The following DRC11 variants were observed in gnomAD, a reference collection of about 807,000 sequenced individuals.
The protein encoded by DRC11 is dynein regulatory complex subunit 11.
the DRC11 span, among the ~76,000 whole-genome samples, chr2:236,350,187 G>A: frequency 1.1e-4 from 17 of 152,308 alleles, no homozygotes; most frequent in African/African-American, 4.1e-4. The surrounding 1 kb of genome is among the most constrained non-coding windows in gnomAD (Gnocchi z 5.2). Flanking sequence ...CAGTTGTTTT[G>A]AAAACGGCGG....
chr2:236,486,768 C>T, the DRC11 span: 45 of 1,084,954 alleles, frequency 4.1e-5, no homozygotes, highest in African/African-American at 5.5e-4. The surrounding 1 kb of genome is among the most constrained non-coding windows in gnomAD (Gnocchi z 5.7). Context: ...GAAGAAGACA[C>T]AGTCTCACAT....
At chr2:236,464,714 C>G in the DRC11 span, among the ~76,000 whole-genome samples, 1 of 152,112 alleles carries the variant, frequency 6.6e-6, no homozygotes, top group East Asian at 1.9e-4. Flanking sequence ...GAGGTGGAGC[C>G]TGGTGGGAGG....
the DRC11 span, among the ~76,000 whole-genome samples, chr2:236,414,279 T>C: frequency 1.3e-5 from 2 of 152,172 alleles, no homozygotes; most frequent in African/African-American, 4.8e-5. Flanking sequence ...GCTTCTGGTG[T>C]CCAGTCTAAG....
At chr2:236,459,595 G>GTACGTA in the DRC11 span, among the ~76,000 whole-genome samples, 26 of 108,804 alleles carry the variant, frequency 2.4e-4, 1 homozygote, top group Non-Finnish European at 4.7e-4. Context: ...ATACGTATAC[G>GTACGTA]TATACATATA....
the DRC11 span, among the ~76,000 whole-genome samples, chr2:236,315,492 C>T: frequency 6.6e-6 from 1 of 152,162 alleles, no homozygotes; most frequent in South Asian, 2.1e-4. The surrounding 1 kb of genome is among the most constrained non-coding windows in gnomAD (Gnocchi z 5.1). Context: ...ACCCAGCAAT[C>T]CCGTTACTAG....
the DRC11 span, among the ~76,000 whole-genome samples, chr2:236,457,913 T>C: frequency 1.3e-5 from 2 of 152,236 alleles, no homozygotes; most frequent in Non-Finnish European, 2.9e-5. The surrounding 1 kb of genome is among the most constrained non-coding windows in gnomAD (Gnocchi z 4.7). Context: ...ACCAAGTTGG[T>C]GTCATTTGTT....
chr2:236,467,036 T>C, the DRC11 span, among the ~76,000 whole-genome samples: 1 of 152,340 alleles, frequency 6.6e-6, no homozygotes, highest in East Asian at 1.9e-4. Context: ...AGTTTCCAGT[T>C]CCTTTTTTGC....
chr2:236,370,618 C>T, the DRC11 span, among the ~76,000 whole-genome samples: 1 of 152,000 alleles, frequency 6.6e-6, no homozygotes, highest in Non-Finnish European at 1.5e-5. The surrounding 1 kb of genome is among the most constrained non-coding windows in gnomAD (Gnocchi z 5.5). Context: ...TGGGGACTGG[C>T]AAGAAGGACT....
chr2:236,355,545 G>C, the DRC11 span, among the ~76,000 whole-genome samples: 2 of 152,140 alleles, frequency 1.3e-5, no homozygotes, highest in African/African-American at 4.8e-5. Context: ...CCATACCCGA[G>C]GCTGCACTGG....
chr2:236,368,307 G>A, the DRC11 span: 4 of 1,541,928 alleles, frequency 2.6e-6, no homozygotes, highest in Admixed American at 5.4e-5. Flanking sequence ...CTCACCTGGA[G>A]AGAAAAGAAA....
At chr2:236,425,011 G>GAATA in the DRC11 span, among the ~76,000 whole-genome samples, 1 of 151,964 alleles carries the variant, frequency 6.6e-6, no homozygotes, top group Non-Finnish European at 1.5e-5. Context: ...TTTTAAAGCT[G>GAATA]AATAGTGTTC....
the DRC11 span, among the ~76,000 whole-genome samples, chr2:236,445,844 T>A: frequency 6.6e-6 from 1 of 152,090 alleles, no homozygotes; most frequent in Non-Finnish European, 1.5e-5. The surrounding 1 kb of genome is among the most constrained non-coding windows in gnomAD (Gnocchi z 4.8). Context: ...CACCCACACA[T>A]GCTTGTGCAA....
chr2:236,357,722 T>G, the DRC11 span, among the ~76,000 whole-genome samples: 1 of 126,396 alleles, frequency 7.9e-6, no homozygotes, highest in Admixed American at 8.5e-5. Context: ...GTATTTATAA[T>G]ATATAAATAT....
the DRC11 span, among the ~76,000 whole-genome samples, chr2:236,493,171 C>T: frequency 2.0e-5 from 3 of 152,142 alleles, no homozygotes; most frequent in Admixed American, 2.0e-4. Flanking sequence ...GGAAACTCCC[C>T]TTTATAAAAC....
At chr2:236,344,158 T>G in the DRC11 span, among the ~76,000 whole-genome samples, 1 of 152,156 alleles carries the variant, frequency 6.6e-6, no homozygotes, top group Non-Finnish European at 1.5e-5. Context: ...GTGGTGCACT[T>G]AGCAGTTCTG....
the DRC11 span, chr2:236,368,056 C>T: frequency 1.5e-6 from 1 of 689,338 alleles, no homozygotes; most frequent in East Asian, 2.7e-5. Context: ...CAAAATGAAA[C>T]TGTGCCCACT....
chr2:236,503,261 G>A, the DRC11 span, among the ~76,000 whole-genome samples: 1 of 152,156 alleles, frequency 6.6e-6, no homozygotes, highest in African/African-American at 2.4e-5. This position sits in a 1 kb window ranked among gnomAD's most constrained non-coding sequence, Gnocchi z 4.9. Context: ...GGGTTGAAGA[G>A]GCTCCTGCTT....
chr2:236,498,905 T>C, the DRC11 span, among the ~76,000 whole-genome samples: 1 of 152,132 alleles, frequency 6.6e-6, no homozygotes, highest in Non-Finnish European at 1.5e-5. Context: ...GACTGAAAAG[T>C]GAACTGGAAA....
chr2:236,407,492 C>T, the DRC11 span, among the ~76,000 whole-genome samples: 674 of 152,278 alleles, frequency 4.4e-3, 6 homozygotes, highest in African/African-American at 0.015. Context: ...GATGGTGGGA[C>T]TTCTCAGGCT....
Sources: gnomAD v4.1 joint callset for allele counts (sites outside exome capture counted in the v4.1 genomes callset) on GRCh38, gnomAD v4.1.1 for gene constraint, Gnocchi (gnomAD v3.1) non-coding constraint, MANE v1.5 for transcripts, NCBI Gene and HGNC (gene_info 2026-07-23, HGNC 2026-07-21) for gene names.